The following ARFGAP3 variants were observed in gnomAD, a reference collection of about 807,000 sequenced individuals.
ARFGAP3 encodes the protein ADP-ribosylation factor GTPase-activating protein 3.
In ARFGAP3, 72 loss-of-function variants were observed where a neutral mutation model predicts 75.0. The ratio of observed to expected loss-of-function variants is 0.96; its 90% CI spans 0.79 to 1.17. The LOEUF (loss-of-function observed/expected upper bound fraction) is 1.17, where lower values mean the gene tolerates loss of function less well. Among genes scored for constraint, ARFGAP3 ranks in the 50% most tolerant of loss-of-function variants. The pLI, the probability that ARFGAP3 is intolerant of heterozygous loss-of-function variation, is 0.00. For missense variants in ARFGAP3, 620 were observed against 626.6 expected (o/e 0.99, Z 0.11); for synonymous variants, 221 against 217.9 (o/e 1.01, Z -0.13).
At chr22:42,799,281 A>C in intron 14 of ARFGAP3, 121 bp from the exon 15 acceptor site, 1 of 1,514,560 alleles carries the variant, frequency 6.6e-7, no homozygotes, top group Non-Finnish European at 8.8e-7. Flanking sequence ...CTGCCTCACA[A>C]GGGGCCCAAC....
chr22:42,833,877 C>T (rs1381606370), intron 5 of ARFGAP3, among the ~76,000 whole-genome samples: 3 of 152,206 alleles, frequency 2.0e-5, no homozygotes, highest in Admixed American at 6.5e-5. Context: ...GATCGTGCCA[C>T]TGCACTCCAG....
intron 10 of ARFGAP3, 89 bp from the exon 11 acceptor site, chr22:42,817,353 A>T (rs565504590): frequency 9.3e-5 from 139 of 1,491,114 alleles, no homozygotes; most frequent in Non-Finnish European, 1.2e-4. Context: ...TGTTTTGAAC[A>T]AAGACAAATG....
chr22:42,848,693 G>A (rs79751765), intron 1 of ARFGAP3, among the ~76,000 whole-genome samples: 1,610 of 152,218 alleles, frequency 0.011, 28 homozygotes, highest in African/African-American at 0.036. Context: ...CCTGGCAGTG[G>A]CTATACCAGA....
At chr22:42,820,240 CT>C (rs1330543914) in intron 9 of ARFGAP3, among the ~76,000 whole-genome samples, 2 of 152,198 alleles carry the variant, frequency 1.3e-5, no homozygotes, top group Non-Finnish European at 2.9e-5. Flanking sequence ...CAAATCTAAC[CT>C]TTCCCTTTGC....
chr22:42,825,875 TATAAAG>T (rs1277015828), intron 7 of ARFGAP3, among the ~76,000 whole-genome samples: 1 of 152,190 alleles, frequency 6.6e-6, no homozygotes, highest in Admixed American at 6.5e-5. Flanking sequence ...AATTTTTTCA[TATAAAG>T]ATAAGAATGT....
chr22:42,852,068 T>C (rs1423542849), intron 1 of ARFGAP3, among the ~76,000 whole-genome samples: 1 of 151,756 alleles, frequency 6.6e-6, no homozygotes, highest in African/African-American at 2.4e-5. Context: ...CATCTTGAAA[T>C]TCTTTTTTTT....
intron 5 of ARFGAP3, 111 bp from the exon 6 acceptor site, chr22:42,831,747 C>G: frequency 6.5e-7 from 1 of 1,530,658 alleles, no homozygotes; most frequent in South Asian, 1.2e-5. Context: ...TTCTGAGTCC[C>G]TGTTAATGGA....
In ARFGAP3 at chr22:42,857,036, G is replaced by A; in HGVS notation, c.69+78C>T. 5.7e-6 allele frequency: 8 copies of A among 1,405,006 alleles called. No homozygotes were observed. The Admixed American group carries it at 1.7e-4, about 31-fold the overall frequency. 87.0% of individuals were successfully genotyped at this position (1,405,006 alleles called of 1,614,324 possible). On this transcript the variant is annotated intron_variant, in intron 1 of 15. Transcript: ENST00000263245. ...GCGCCGGCCCCGCCTCCCAAGCCAC[G>A]GGCACTGGCGCCCGCGGGGCCTCCC...
chr22:42,846,754 T>A (rs771680470), intron 2 of ARFGAP3, among the ~76,000 whole-genome samples: 3 of 152,210 alleles, frequency 2.0e-5, no homozygotes, highest in Admixed American at 6.5e-5. Flanking sequence ...TTGGAGGACA[T>A]AGGACAGACC....
intron 1 of ARFGAP3, among the ~76,000 whole-genome samples, chr22:42,855,705 TAA>T (rs112759662): frequency 3.8e-5 from 5 of 130,226 alleles, no homozygotes; most frequent in Non-Finnish European, 3.3e-5. Context: ...ATTAAAACGT[TAA>T]AAAAAAAAAA....
Position 42,835,367 on chromosome 22 carries a change from T to C in ARFGAP3, c.388A>G (p.Thr130Ala). ...TCCAGCCTCCAGTGACTTACATCAG[T>C]GCCATGCTTCCGTGTTGCTTGAGAG... is the stretch of plus-strand genomic sequence containing the variant. ...LASQATRKHG[T>A]DLWLDSCVVP... The change falls in exon 4 of 16, where the codon ACT becomes GCT. Residue 130 changes from threonine (T) to alanine (A), a missense_variant. Physicochemically the swap from Thr to Ala is moderately conservative, Grantham distance 58 (BLOSUM62 0). Coordinates refer to ENST00000263245, the MANE Select transcript of ARFGAP3 (RefSeq NM_014570.5). 1 of 1,614,014 alleles carries C rather than the reference T, an allele frequency of 6.2e-7. No individual in the cohort carries two copies. The highest frequency in any genetic ancestry group is 8.5e-7 in the Non-Finnish European group (1 of 1,179,914).
At chr22:42,829,944 T>C (rs1926211449) in intron 6 of ARFGAP3, among the ~76,000 whole-genome samples, 1 of 152,234 alleles carries the variant, frequency 6.6e-6, no homozygotes, top group Non-Finnish European at 1.5e-5. Flanking sequence ...CCAAATTCCA[T>C]TCATCAAATA....
At chr22:42,826,408 A>G (rs1285790706) in intron 7 of ARFGAP3, among the ~76,000 whole-genome samples, 1 of 151,030 alleles carries the variant, frequency 6.6e-6, no homozygotes, top group Non-Finnish European at 1.5e-5. Context: ...GAGACAAGGT[A>G]TCACTCTGTC....
Position 42,817,748 on chromosome 22 carries a change from C to T in ARFGAP3, c.922G>A (p.Gly308Arg). Reference sequence around the variant, plus strand: ...ACATACCTTCTGCAATTTCCAAATCCCATGCCGAGTCTGTCTGAGTCAACA... The same window carrying T: ...ACATACCTTCTGCAATTTCCAAATCTCATGCCGAGTCTGTCTGAGTCAACA... ...KNVDSDRLGM[G>R]FGNCRSVISH... The change falls in exon 10 of 16, where the codon GGA (glycine) becomes AGA (arginine). Residue 308 changes from glycine to arginine, a missense_variant. Gly to Arg is a moderately radical substitution (Grantham distance 125). Coordinates refer to ENST00000263245, the MANE Select transcript of ARFGAP3 (RefSeq NM_014570.5). The T allele has an allele frequency of 1.2e-6, 2 of 1,612,924 alleles. No homozygotes were observed. The highest frequency in any genetic ancestry group is 1.7e-6 in the Non-Finnish European group (2 of 1,179,554).
At chr22:42,833,994 T>A (rs71329162) in intron 5 of ARFGAP3, among the ~76,000 whole-genome samples, 1 of 152,192 alleles carries the variant, frequency 6.6e-6, no homozygotes, top group Admixed American at 6.5e-5. Context: ...GGGAGAGTCT[T>A]AAACTGGAGC....
intron 14 of ARFGAP3, among the ~76,000 whole-genome samples, chr22:42,800,015 T>C (rs990069081): frequency 3.3e-5 from 5 of 152,242 alleles, no homozygotes; most frequent in African/African-American, 1.2e-4. Context: ...AACATCACCA[T>C]AATTGCTACC....
chr22:42,828,701 T>TTC (rs1555898173), intron 6 of ARFGAP3, among the ~76,000 whole-genome samples: 6 of 149,324 alleles, frequency 4.0e-5, no homozygotes, highest in Admixed American at 1.3e-4. Context: ...TTTTTTTTTT[T>TTC]CTGAGACAGA....
Position 42,841,024 on chromosome 22 carries a change from G to T in ARFGAP3, c.189-8C>A. On this transcript the variant is annotated splice_region_variant and splice_polypyrimidine_tract_variant and intron_variant, in intron 2 of 15. Transcript: ENST00000263245. ...GAATCCAACTCTGTAGATCTAAATG[G>T]AAAGAATATTACTAACTGTTAATAT... 6.2e-7 allele frequency: 1 copy of T among 1,613,000 alleles called. No individual in the cohort carries two copies. Among genetic ancestry groups the T allele is most frequent in the Non-Finnish European group, 8.5e-7 (1 of 1,179,618 alleles).
chr22:42,840,871 T>G, intron 3 of ARFGAP3, 73 bp downstream of exon 3: 1 of 1,506,086 alleles, frequency 6.6e-7, no homozygotes, highest in Non-Finnish European at 9.1e-7. Context: ...GCACCTAGCC[T>G]GAGCTTCTTT....
Sources: allele counts gnomAD v4.1 joint callset (sites outside exome capture counted in the v4.1 genomes callset), GRCh38; gene constraint gnomAD v4.1.1; transcripts MANE v1.5; gene names NCBI Gene and HGNC (gene_info 2026-07-23, HGNC 2026-07-21).